ADCY2: variants seen among roughly 807,000 people sequenced by gnomAD.
ADCY2 encodes adenylate cyclase type 2.
A neutral mutation model predicts 125.2 loss-of-function variants in ADCY2; 31 were observed. The ratio of observed to expected loss-of-function variants is 0.25; its 90% CI spans 0.19 to 0.33. The LOEUF is 0.33. ADCY2 is among the 10% of genes least tolerant of loss of function. ADCY2 has a pLI of 1.00. For missense variants in ADCY2, 904 were observed against 1,418.2 expected (o/e 0.64, Z 5.82); for synonymous variants, 512 against 548.4 (o/e 0.93, Z 0.93).
intron 2 of ADCY2, among the ~76,000 whole-genome samples, chr5:7,502,458 G>C (rs1282780177): frequency 6.6e-6 from 1 of 152,192 alleles, no homozygotes; most frequent in Admixed American, 6.5e-5. Flanking sequence ...CTCCCACCGT[G>C]GACCAGGACA....
intron 2 of ADCY2, among the ~76,000 whole-genome samples, chr5:7,454,749 A>G (rs17814286): frequency 0.19 from 28,284 of 152,158 alleles, 3,584 homozygotes; most frequent in Non-Finnish European, 0.27. Flanking sequence ...TTTTCTTTTC[A>G]TTTATGATGT....
At chr5:7,621,362 A>G (rs980430186) in intron 3 of ADCY2, among the ~76,000 whole-genome samples, 22 of 152,380 alleles carry the variant, frequency 1.4e-4, no homozygotes, top group Admixed American at 4.6e-4. Context: ...CAAATGCTTT[A>G]TAAAGAAAAA....
chr5:7,588,397 G>A (rs1736702384), intron 3 of ADCY2, among the ~76,000 whole-genome samples: 1 of 152,138 alleles, frequency 6.6e-6, no homozygotes, highest in South Asian at 2.1e-4. Flanking sequence ...TGAATCAACA[G>A]CCCACTGGGC....
At chr5:7,431,964 T>C (rs1246765767) in intron 2 of ADCY2, among the ~76,000 whole-genome samples, 1 of 151,948 alleles carries the variant, frequency 6.6e-6, no homozygotes, top group Non-Finnish European at 1.5e-5. Context: ...AGTGTTGCCT[T>C]TTCCAAAACC....
intron 12 of ADCY2, among the ~76,000 whole-genome samples, chr5:7,722,186 G>A (rs1248521040): frequency 6.6e-6 from 1 of 152,158 alleles, no homozygotes; most frequent in African/African-American, 2.4e-5. Flanking sequence ...TGGGGTTCAC[G>A]AAGCACCACA....
At chr5:7,446,552 A>G (rs982144850) in intron 2 of ADCY2, among the ~76,000 whole-genome samples, 4 of 152,030 alleles carry the variant, frequency 2.6e-5, no homozygotes, top group African/African-American at 7.2e-5. Flanking sequence ...ATACATACAT[A>G]CATACATACA....
At chr5:7,431,424 A>G (rs533271893) in intron 2 of ADCY2, among the ~76,000 whole-genome samples, 1 of 152,306 alleles carries the variant, frequency 6.6e-6, no homozygotes, top group African/African-American at 2.4e-5. Context: ...TAAATTTTAG[A>G]TTGAAAATTA....
intron 3 of ADCY2, among the ~76,000 whole-genome samples, chr5:7,595,004 T>G (rs892588211): frequency 6.6e-6 from 1 of 152,220 alleles, no homozygotes; most frequent in African/African-American, 2.4e-5. Flanking sequence ...GACATATTGG[T>G]ATATCATTCT....
intron 2 of ADCY2, among the ~76,000 whole-genome samples, chr5:7,501,155 T>A (rs982245116): frequency 6.6e-6 from 1 of 150,652 alleles, no homozygotes; most frequent in Non-Finnish European, 1.5e-5. Flanking sequence ...AAGGTCTACA[T>A]TTTCTTCCTT....
intron 2 of ADCY2, among the ~76,000 whole-genome samples, chr5:7,416,939 TTTAGCTCACTTTTTA>T (rs1389933928): frequency 2.0e-5 from 3 of 152,188 alleles, no homozygotes; most frequent in Non-Finnish European, 2.9e-5. Context: ...TCAGAATGTT[TTTAGCTCACTTTTTA>T]TTACGGATCA....
chr5:7,757,796 T>G (rs1250086563), intron 16 of ADCY2, among the ~76,000 whole-genome samples: 1 of 152,198 alleles, frequency 6.6e-6, no homozygotes, highest in Admixed American at 6.5e-5. Context: ...TTTTGGAAAC[T>G]TGCATTTGGC....
At chr5:7,556,277 G>A (rs1735504298) in intron 3 of ADCY2, among the ~76,000 whole-genome samples, 1 of 152,126 alleles carries the variant, frequency 6.6e-6, no homozygotes, top group African/African-American at 2.4e-5. Flanking sequence ...GTGTAGAGAA[G>A]TCATTATGTC....
intron 24 of ADCY2, among the ~76,000 whole-genome samples, chr5:7,822,622 C>T (rs1745336272): frequency 6.6e-6 from 1 of 152,188 alleles, no homozygotes; most frequent in South Asian, 2.1e-4. Context: ...AGCTGATCAT[C>T]AGCAGCTGGA....
chr5:7,718,393 C>G (rs575286215), intron 12 of ADCY2, among the ~76,000 whole-genome samples: 20 of 152,198 alleles, frequency 1.3e-4, no homozygotes, highest in African/African-American at 4.6e-4. Context: ...CATGATCCAC[C>G]CGCCTCAGCC....
intron 10 of ADCY2, among the ~76,000 whole-genome samples, chr5:7,710,928 G>A (rs559279954): frequency 6.6e-6 from 1 of 152,302 alleles, no homozygotes; most frequent in East Asian, 1.9e-4. Flanking sequence ...ATTAGGAACA[G>A]AGATGAATCC....
At chr5:7,471,439 G>A (rs1409255892) in intron 2 of ADCY2, among the ~76,000 whole-genome samples, 3 of 151,654 alleles carry the variant, frequency 2.0e-5, no homozygotes, top group African/African-American at 7.3e-5. Context: ...CTTAATTATA[G>A]TCCACCCTTA....
chr5:7,734,393 GA>G (rs1311541645), intron 14 of ADCY2, among the ~76,000 whole-genome samples: 26 of 152,154 alleles, frequency 1.7e-4, no homozygotes, highest in African/African-American at 5.8e-4. Flanking sequence ...CATTGACTGG[GA>G]AAAAAAGCAG....
intron 3 of ADCY2, among the ~76,000 whole-genome samples, chr5:7,573,613 T>C (rs1736140083): frequency 6.7e-6 from 1 of 148,346 alleles, no homozygotes; most frequent in African/African-American, 2.5e-5. Context: ...TTTTTTTTTT[T>C]TTTTTGAGAA....
chr5:7,562,816 C>G (rs562836411), intron 3 of ADCY2, among the ~76,000 whole-genome samples: 32 of 152,278 alleles, frequency 2.1e-4, no homozygotes, highest in Admixed American at 1.7e-3. Flanking sequence ...GCTTTCTAGA[C>G]TGAGCCTGGG....
Sources: allele counts gnomAD v4.1 joint callset (sites outside exome capture counted in the v4.1 genomes callset), GRCh38; gene constraint gnomAD v4.1.1; transcripts MANE v1.5; gene names NCBI Gene and HGNC (gene_info 2026-07-23, HGNC 2026-07-21).